The following SUPT3H variants were observed in gnomAD, a reference collection of about 807,000 sequenced individuals.
SUPT3H encodes transcription initiation protein SPT3 homolog.
A neutral mutation model predicts 44.3 loss-of-function variants in SUPT3H; 44 were observed. The observed-to-expected ratio is 0.99, with a 90% confidence interval of 0.78 to 1.28. SUPT3H has a LOEUF of 1.28. Among genes scored for constraint, SUPT3H ranks in the 50% most tolerant of loss-of-function variants. SUPT3H has a pLI of 0.00. For synonymous variants in SUPT3H, 124 were observed against 125.6 expected, an observed-to-expected ratio of 0.99 and a Z score of 0.09; for missense variants, 380 against 387.1, an observed-to-expected ratio of 0.98 and a Z score of 0.15.
chr6:44,817,109 C>CAT (rs1491352186), intron 11 of SUPT3H, among the ~76,000 whole-genome samples: 1 of 3,956 alleles, frequency 2.5e-4, no homozygotes, highest in Non-Finnish European at 2.5e-3. Flanking sequence ...CATACATATT[C>CAT]ACACACACAC....
At chr6:44,932,828 A>C in intron 9 of SUPT3H, 65 bp from the exon 10 acceptor site, 1 of 1,073,826 alleles carries the variant, frequency 9.3e-7, no homozygotes, top group Non-Finnish European at 1.3e-6. Flanking sequence ...ACAGTGTATA[A>C]ATATGAAAAT....
At chr6:45,341,365 A>G (rs12110325) in intron 2 of SUPT3H, among the ~76,000 whole-genome samples, 176 of 152,320 alleles carry the variant, frequency 1.2e-3, no homozygotes, top group African/African-American at 4.0e-3. Context: ...CTGTTTGGGG[A>G]TCTATGAATC....
chr6:45,156,322 A>T (rs1807811071), intron 2 of SUPT3H, among the ~76,000 whole-genome samples: 1 of 152,152 alleles, frequency 6.6e-6, no homozygotes, highest in East Asian at 1.9e-4. Context: ...TCAGTCTCCT[A>T]AGGTCATGCA....
chr6:45,151,753 T>C lies in SUPT3H; in HGVS notation c.102-45747A>G, dbSNP rs183391424. On this transcript the variant is annotated intron_variant, in intron 2 of 10. Transcript: ENST00000371459. ...CATCAATTTATATCAAGTTTCTCTT[T>C]TCTAGGCAAGTATTGTCTACCAATA... Among the ~76,000 whole-genome samples, 187 of 152,328 alleles carry C rather than the reference T, an allele frequency of 1.2e-3. 1 individual carries two copies. The highest frequency in any genetic ancestry group is 0.01 in the Middle Eastern group (3 of 294).
intron 6 of SUPT3H, among the ~76,000 whole-genome samples, chr6:44,980,562 A>G (rs1204731221): frequency 6.6e-6 from 1 of 152,174 alleles, no homozygotes; most frequent in East Asian, 1.9e-4. Context: ...TTTGGTCTAG[A>G]TGTTAAAATA....
At chr6:45,304,401 C>T (rs1782668428) in intron 2 of SUPT3H, among the ~76,000 whole-genome samples, 1 of 152,082 alleles carries the variant, frequency 6.6e-6, no homozygotes, top group South Asian at 2.1e-4. Context: ...CAAAGACACA[C>T]CTCAATGAAA....
chr6:44,991,981 G>A (rs1780680028), intron 6 of SUPT3H, among the ~76,000 whole-genome samples: 1 of 152,074 alleles, frequency 6.6e-6, no homozygotes, highest in Non-Finnish European at 1.5e-5. Flanking sequence ...GGGGAATGTG[G>A]GTAAGGAGAA....
Position 44,850,322 on chromosome 6 carries a change from T to TC in SUPT3H, c.913-20466dup, listed in dbSNP as rs201787390. ...CTCCACTTCCCCCTAACCTTTTTTT[T>TC]CCTGCTTCCTTTCAGTTTCTTTAGT... On this transcript the variant is annotated intron_variant, in intron 10 of 10. Transcript: ENST00000371459. Among the ~76,000 whole-genome samples the TC allele has an allele frequency of 7.2e-5, 11 of 152,328 alleles. No individual in the cohort carries two copies. In the East Asian group the frequency reaches 1.5e-3, roughly 21 times the overall value.
intron 2 of SUPT3H, among the ~76,000 whole-genome samples, chr6:45,280,398 C>T (rs545448504): frequency 4.6e-5 from 7 of 152,016 alleles, no homozygotes; most frequent in African/African-American, 1.4e-4. Flanking sequence ...CCCAGCTACT[C>T]GGGGGGCTGA....
In SUPT3H at chr6:44,855,052, C is replaced by T. The variant is rs16872742; in HGVS notation, c.913-25195G>A. Among the ~76,000 whole-genome samples, 664 of 152,252 alleles carry T rather than the reference C, an allele frequency of 4.4e-3. 8 individuals are homozygous for T. The highest frequency in any genetic ancestry group is 0.015 in the African/African-American group (634 of 41,548). ...TTTCACCACTCAGTTGTGCAACTTG[C>T]AATTCTTGGGTTATCAAAGAACAGT... On this transcript the variant is annotated intron_variant, in intron 10 of 10. Coordinates refer to ENST00000371459, the MANE Select transcript of SUPT3H (RefSeq NM_003599.4).
At chr6:45,214,015 CAAAA>C (rs11418358) in intron 2 of SUPT3H, among the ~76,000 whole-genome samples, 1 of 74,118 alleles carries the variant, frequency 1.3e-5, no homozygotes, top group Non-Finnish European at 2.4e-5. Flanking sequence ...TTTTGAAATG[CAAAA>C]AAAAAAAAAA....
intron 3 of SUPT3H, among the ~76,000 whole-genome samples, chr6:45,061,441 T>A (rs1318885402): frequency 6.6e-6 from 1 of 152,006 alleles, no homozygotes; most frequent in African/African-American, 2.4e-5. Flanking sequence ...TGGGGCCTTT[T>A]AGAGGGGGCA....
At chr6:45,063,275 A>G (rs1302703088) in intron 3 of SUPT3H, among the ~76,000 whole-genome samples, 1 of 147,606 alleles carries the variant, frequency 6.8e-6, no homozygotes, top group Admixed American at 6.8e-5. Context: ...GAAAACTAAC[A>G]AACAGAAAGG....
At chr6:44,969,879 C>T (rs1354618947) in intron 6 of SUPT3H, among the ~76,000 whole-genome samples, 1 of 152,100 alleles carries the variant, frequency 6.6e-6, no homozygotes, top group Non-Finnish European at 1.5e-5. Flanking sequence ...GAATGTCTTA[C>T]AGTAATTATA....
intron 5 of SUPT3H, among the ~76,000 whole-genome samples, chr6:45,014,570 G>A (rs1783962820): frequency 6.6e-6 from 1 of 152,068 alleles, no homozygotes. Context: ...TTCATCTGCA[G>A]AACTATTTTT....
chr6:45,218,479 C>T (rs946990983), intron 2 of SUPT3H, among the ~76,000 whole-genome samples: 24 of 152,156 alleles, frequency 1.6e-4, no homozygotes, highest in Non-Finnish European at 4.4e-5. Context: ...CCTGTAATCC[C>T]AACACTTTGG....
At chr6:45,122,086 T>C (rs1801762988) in intron 2 of SUPT3H, among the ~76,000 whole-genome samples, 1 of 151,978 alleles carries the variant, frequency 6.6e-6, no homozygotes, top group South Asian at 2.1e-4. Context: ...TTTCTACATA[T>C]ATTAACTTTA....
chr6:45,277,672 T>C (rs987387419), intron 2 of SUPT3H, among the ~76,000 whole-genome samples: 3 of 152,188 alleles, frequency 2.0e-5, no homozygotes, highest in East Asian at 1.9e-4. Flanking sequence ...ATTCTCTGTG[T>C]CAGGATTTAC....
At chr6:45,259,597 AG>A (rs1774011565) in intron 2 of SUPT3H, among the ~76,000 whole-genome samples, 1 of 150,468 alleles carries the variant, frequency 6.6e-6, no homozygotes, top group South Asian at 2.1e-4. Flanking sequence ...GTCTCATTGC[AG>A]GATAAGACTC....
Sources: allele counts gnomAD v4.1 joint callset (sites outside exome capture counted in the v4.1 genomes callset), GRCh38; gene constraint gnomAD v4.1.1; transcripts MANE v1.5; gene names NCBI Gene and HGNC (gene_info 2026-07-23, HGNC 2026-07-21).